Variants in CAPNS1 observed in about 807,000 individuals in gnomAD.
The protein encoded by CAPNS1 is calpain small subunit 1, also known as CANP small subunit.
CAPNS1 carries 32 observed loss-of-function variants against 39.2 expected under a neutral mutation model. The ratio of observed to expected loss-of-function variants is 0.82; its 90% CI spans 0.62 to 1.10. CAPNS1 has a LOEUF of 1.10. CAPNS1 is among the 50% of genes least tolerant of loss of function. The pLI, the probability that CAPNS1 is intolerant of heterozygous loss-of-function variation, is 0.00. For synonymous variants in CAPNS1, 153 were observed against 136.2 expected (o/e 1.12, Z -0.86); for missense variants, 353 against 373.1 (o/e 0.95, Z 0.44).
intron 9 of CAPNS1, among the ~76,000 whole-genome samples, chr19:36,148,767 C>G (rs1408024553): frequency 6.6e-6 from 1 of 151,978 alleles, no homozygotes; most frequent in Non-Finnish European, 1.5e-5. Context: ...GAGCCAAGAT[C>G]GTGCCACTGC....
chr19:36,141,361 C>A (rs1974367728), intron 2 of CAPNS1, 141 bp downstream of exon 2: 2 of 1,357,790 alleles, frequency 1.5e-6, no homozygotes, highest in East Asian at 6.3e-5. Context: ...GCCGGGGAGG[C>A]CTGGTTTGAG....
intron 9 of CAPNS1, among the ~76,000 whole-genome samples, chr19:36,147,639 G>A (rs531775387): frequency 7.2e-5 from 11 of 152,246 alleles, no homozygotes; most frequent in Non-Finnish European, 1.0e-4. Flanking sequence ...GGTGGCGGGC[G>A]CCTGTAGTCC....
chr19:36,146,461 A>G, intron 9 of CAPNS1, 149 bp downstream of exon 9: 1 of 678,948 alleles, frequency 1.5e-6, no homozygotes, highest in Non-Finnish European at 2.7e-6. Context: ...TGGAGCTCAC[A>G]GTCTGGTGGA....
At chr19:36,148,096 A>G (rs1414950746) in intron 9 of CAPNS1, 1 of 152,154 alleles carries the variant, frequency 6.6e-6, no homozygotes, top group Non-Finnish European at 1.5e-5. Context: ...AAAAAAAGAA[A>G]AAAAGATCCC....
chr19:36,143,084 G>GTCTCAA lies in CAPNS1; in HGVS notation c.412_413insTCTCAA (p.Gly138delinsValSerSer), dbSNP rs1490963600. ...CACAGACCCTGATCTGAAGACTGAT[G>GTCTCAA]GTTTTGGCATTGACACATGTCGCAG... is the stretch of plus-strand genomic sequence containing the variant. On this transcript the variant is annotated protein_altering_variant, in exon 6 of 11. Transcript: ENST00000246533. 1 of 1,614,224 alleles carries GTCTCAA rather than the reference G, an allele frequency of 6.2e-7. No individual in the cohort carries two copies. Among genetic ancestry groups the GTCTCAA allele is most frequent in the Non-Finnish European group, 8.5e-7 (1 of 1,180,036 alleles).
chr19:36,140,860 C>A lies in CAPNS1; in HGVS notation c.-15-137C>A, dbSNP rs976188646. On this transcript the variant is annotated intron_variant, in intron 1 of 10. Coordinates refer to ENST00000246533, the MANE Select transcript of CAPNS1 (RefSeq NM_001749.4). Reference sequence around the variant, plus strand: ...CATACCTGCCCCACCCATCCGCGGACAACCCGCCCTCGCAAACTCAGACCC... The same window carrying A: ...CATACCTGCCCCACCCATCCGCGGAAAACCCGCCCTCGCAAACTCAGACCC... The A allele has an allele frequency of 2.9e-6, 4 of 1,381,812 alleles. No individual in the cohort carries two copies. The African/African-American group carries it at 4.5e-5, about 16-fold the overall frequency. The allele number at this position is 1,381,812 out of a possible 1,614,324, so 85.6% of individuals were successfully genotyped here. A position where few individuals can be genotyped will look rare whatever the true frequency, so the allele number is the denominator to read the frequency against.
intron 6 of CAPNS1, 47 bp from the exon 7 acceptor site, chr19:36,145,759 C>T (rs1230626493): frequency 4.6e-6 from 7 of 1,518,158 alleles, no homozygotes; most frequent in Non-Finnish European, 5.5e-6. Flanking sequence ...GCATGTGATG[C>T]ATGCATCTGG....
At chr19:36,143,312 A>G (rs1181683738) in intron 6 of CAPNS1, among the ~76,000 whole-genome samples, 184 bp downstream of exon 6, 2 of 152,174 alleles carry the variant, frequency 1.3e-5, no homozygotes, top group African/African-American at 4.8e-5. Flanking sequence ...TGGCACTTTA[A>G]TTATATAAAG....
chr19:36,141,578 G>T, intron 2 of CAPNS1: 1 of 1,108,866 alleles, frequency 9.0e-7, no homozygotes, highest in Non-Finnish European at 1.1e-6. Context: ...CGGAGCCAAT[G>T]CGTCTGAGTG....
chr19:36,141,171 G>T lies in CAPNS1; in HGVS notation c.160G>T (p.Gly54Cys), dbSNP rs1204134347. The change falls in exon 2 of 11, where the codon GGC becomes TGC. Residue 54 changes from glycine (G) to cysteine (C), a missense_variant. By Grantham distance (159) the Gly-to-Cys change is radical (BLOSUM62 -3). Coordinates refer to ENST00000246533, the MANE Select transcript of CAPNS1 (RefSeq NM_001749.4). Reference sequence around the variant, plus strand: ...CGGCGGCGGTGGTGGAGGCGGCGGTGGCGGTGGAACGGCCATGCGCATCCT... The same window carrying T: ...CGGCGGCGGTGGTGGAGGCGGCGGTTGCGGTGGAACGGCCATGCGCATCCT... Reference protein sequence around the residue: ...GGGGGGGGGGGGGTAMRILGG... With the variant: ...GGGGGGGGGGCGGTAMRILGG... 2.8e-6 allele frequency: 4 copies of T among 1,414,938 alleles called. No homozygotes were observed. The highest frequency in any genetic ancestry group is 3.7e-6 in the Non-Finnish European group (4 of 1,089,224). The allele number at this position is 1,414,938 out of a possible 1,614,324, so 87.6% of individuals were successfully genotyped here.
At chr19:36,148,822 A>G (rs1054401517) in intron 9 of CAPNS1, among the ~76,000 whole-genome samples, 2 of 152,070 alleles carry the variant, frequency 1.3e-5, no homozygotes, top group African/African-American at 4.8e-5. Flanking sequence ...CAAAAAAAAA[A>G]AGAAAGAAAG....
chr19:36,149,878 A>G lies in CAPNS1; in HGVS notation c.*39A>G. ...ACCCGCCCCCTCACTGCCTTGCTAT[A>G]GGAGTCACCTGGAGCCTCGGTCTCT... On this transcript the variant is annotated 3_prime_UTR_variant, in exon 11 of 11. Coordinates refer to ENST00000246533, the MANE Select transcript of CAPNS1 (RefSeq NM_001749.4). 7.1e-7 allele frequency: 1 copy of G among 1,409,636 alleles called. No homozygotes were observed. 87.3% of individuals were successfully genotyped at this position (1,409,636 alleles called of 1,614,324 possible). A position where few individuals can be genotyped will look rare whatever the true frequency, so the allele number is the denominator to read the frequency against.
rs1265930074 is a variant in CAPNS1 at position 36,146,004 on chromosome 19, G to T, written c.554G>T (p.Arg185Leu). The change falls in exon 8 of 11, where the codon CGA becomes CTA. Residue 185 changes from arginine (R) to leucine (L), a missense_variant. By Grantham distance (102) the Arg-to-Leu change is moderately radical. Transcript: ENST00000246533. ...ATATACAAACAGTTCGACACTGACC[G>T]ATCAGGGACCATTTGCAGTAGTGAA... Reference protein sequence around the residue: ...QAIYKQFDTDRSGTICSSELP... With the variant: ...QAIYKQFDTDLSGTICSSELP... 6.2e-7 allele frequency: 1 copy of T among 1,614,172 alleles called. No individual in the cohort carries two copies. Among genetic ancestry groups the T allele is most frequent in the South Asian group, 1.1e-5 (1 of 91,038 alleles).
Position 36,141,112 on chromosome 19 carries a change from G to C in CAPNS1, c.101G>C (p.Ser34Thr). 7.2e-7 allele frequency: 1 copy of C among 1,392,612 alleles called. No homozygotes were observed. The allele number at this position is 1,392,612 out of a possible 1,614,324, so 86.3% of individuals were successfully genotyped here. ...GLGNVLGGLI[S>T]GAGGGGGGGG... ...GGAAATGTGCTTGGAGGCCTGATCA[G>C]CGGGGCCGGGGGCGGCGGCGGCGGC... Residue 34 changes from serine (S) to threonine (T), a missense_variant, in exon 2 of 11, where the codon AGC becomes ACC. Transcript: ENST00000246533.
chr19:36,145,683 A>G, intron 6 of CAPNS1, 123 bp from the exon 7 acceptor site: 1 of 724,978 alleles, frequency 1.4e-6, no homozygotes, highest in East Asian at 2.6e-5. Flanking sequence ...TATGACTAGG[A>G]CCAAGCGGGA....
chr19:36,143,199 C>A, intron 6 of CAPNS1, 71 bp downstream of exon 6: 1 of 1,304,490 alleles, frequency 7.7e-7, no homozygotes, highest in Non-Finnish European at 1.1e-6. Flanking sequence ...TTTGGGAAGC[C>A]AACATGTAGC....
chr19:36,142,621 C>G (rs1168055615), intron 3 of CAPNS1, 31 bp from the exon 4 acceptor site: 5 of 1,596,918 alleles, frequency 3.1e-6, no homozygotes, highest in Middle Eastern at 3.3e-4. Flanking sequence ...GGGTTCCCCT[C>G]CCCCTGCTCT....
intron 9 of CAPNS1, among the ~76,000 whole-genome samples, chr19:36,149,140 T>C (rs1974682276): frequency 6.6e-6 from 1 of 152,218 alleles, no homozygotes; most frequent in Non-Finnish European, 1.5e-5. Flanking sequence ...ACAGATTGGA[T>C]TCCAATCCTG....
rs556086518 is a variant in CAPNS1 at position 36,141,239 on chromosome 19, G to T, written c.209+19G>T. On this transcript the variant is annotated intron_variant, in intron 2 of 10. Coordinates refer to ENST00000246533, the MANE Select transcript of CAPNS1 (RefSeq NM_001749.4). The stretch of plus-strand genomic sequence containing the variant: ...CCATCAGGTAAGGCGGAGACTATCA[G>T]AGGGGCGGGGCCTGGGAATGGGAGG... 51 of 1,514,912 alleles carry T rather than the reference G, an allele frequency of 3.4e-5. No homozygotes were observed. The highest frequency in any genetic ancestry group is 2.4e-4 in the Middle Eastern group (1 of 4,166). The allele number at this position is 1,514,912 out of a possible 1,614,324, so 93.8% of individuals were successfully genotyped here.
Sources: allele counts gnomAD v4.1 joint callset (sites outside exome capture counted in the v4.1 genomes callset), GRCh38; gene constraint gnomAD v4.1.1; transcripts MANE v1.5; gene names NCBI Gene and HGNC (gene_info 2026-07-23, HGNC 2026-07-21).